WWOX: variants seen among roughly 807,000 people sequenced by gnomAD.
WWOX encodes WW domain containing oxidoreductase, also known as WW domain-containing oxidoreductase.
Under a neutral mutation model 46.2 loss-of-function variants are expected in WWOX, and 69 were observed. The ratio of observed to expected loss-of-function variants is 1.49; its 90% CI spans 1.23 to 1.82. WWOX has a LOEUF of 1.82. Among genes scored for constraint, WWOX ranks in the 40% most tolerant of loss-of-function variants. The pLI is 0.00. For missense variants in WWOX, 919 were observed against 542.6 expected (o/e 1.69, Z -6.89); for synonymous variants, 359 against 202.6 (o/e 1.77, Z -6.56).
intron 8 of WWOX, among the ~76,000 whole-genome samples, chr16:79,199,919 A>G (rs1051005216): frequency 1.3e-5 from 2 of 152,084 alleles, no homozygotes; most frequent in African/African-American, 4.8e-5. Flanking sequence ...GAAGAATAAG[A>G]TGTTCCTTGG....
intron 6 of WWOX, among the ~76,000 whole-genome samples, chr16:78,401,447 C>T (rs983757771): frequency 1.3e-5 from 2 of 152,040 alleles, no homozygotes; most frequent in Non-Finnish European, 2.9e-5. Flanking sequence ...TTGTGTAGCC[C>T]ATCAATTGTC....
intron 8 of WWOX, among the ~76,000 whole-genome samples, chr16:78,760,183 G>C (rs910807698): frequency 6.6e-6 from 1 of 152,178 alleles, no homozygotes; most frequent in Non-Finnish European, 1.5e-5. Flanking sequence ...GCAGACGAGA[G>C]AGAGTGACAG....
chr16:78,896,032 C>T (rs1319633475), intron 8 of WWOX: 1 of 152,074 alleles, frequency 6.6e-6, no homozygotes, highest in African/African-American at 2.4e-5. Context: ...GTTTAAATTT[C>T]CTTTTCACAG....
chr16:78,241,961 G>A (rs915589370), intron 5 of WWOX, among the ~76,000 whole-genome samples: 3 of 152,176 alleles, frequency 2.0e-5, no homozygotes, highest in Non-Finnish European at 4.4e-5. Flanking sequence ...AAAAGCAAAT[G>A]TTTTGGGTGA....
chr16:78,906,964 C>T (rs1329127681), intron 8 of WWOX, among the ~76,000 whole-genome samples: 3 of 152,138 alleles, frequency 2.0e-5, no homozygotes, highest in African/African-American at 4.8e-5. Flanking sequence ...ATAACGTAAC[C>T]GCCCAATGGG....
intron 4 of WWOX, among the ~76,000 whole-genome samples, chr16:78,149,999 A>C (rs767858428): frequency 1.3e-5 from 2 of 152,096 alleles, no homozygotes; most frequent in Non-Finnish European, 2.9e-5. Context: ...CAGTTTTGAC[A>C]CTAACGACCC....
intron 5 of WWOX, among the ~76,000 whole-genome samples, chr16:78,352,557 G>T (rs7500418): frequency 0.34 from 51,130 of 151,918 alleles, 11,091 homozygotes; most frequent in Non-Finnish European, 0.49. Context: ...TCTCTCTTCT[G>T]CTTCTGCTTT....
At chr16:79,024,989 G>T (rs1475385655) in intron 8 of WWOX, among the ~76,000 whole-genome samples, 3 of 152,198 alleles carry the variant, frequency 2.0e-5, no homozygotes, top group Admixed American at 6.5e-5. Flanking sequence ...TCAATCCTAG[G>T]ACCTGAGCTG....
At chr16:78,828,604 C>T (rs1478302675) in intron 8 of WWOX, among the ~76,000 whole-genome samples, 1 of 151,992 alleles carries the variant, frequency 6.6e-6, no homozygotes, top group Non-Finnish European at 1.5e-5. Context: ...TTCTATCGGA[C>T]ACATGTCCTA....
At chr16:78,649,539 A>G (rs945950283) in intron 8 of WWOX, among the ~76,000 whole-genome samples, 1 of 152,064 alleles carries the variant, frequency 6.6e-6, no homozygotes, top group Non-Finnish European at 1.5e-5. Flanking sequence ...GGCCTCCCAA[A>G]GTGCTGGGAT....
intron 8 of WWOX, among the ~76,000 whole-genome samples, chr16:78,573,527 C>T (rs1380697261): frequency 6.6e-6 from 1 of 152,182 alleles, no homozygotes; most frequent in Non-Finnish European, 1.5e-5. Flanking sequence ...CACATCACTC[C>T]TCTGCTCAAA....
intron 8 of WWOX, among the ~76,000 whole-genome samples, chr16:78,496,646 T>C (rs1201806919): frequency 6.6e-6 from 1 of 152,238 alleles, no homozygotes; most frequent in African/African-American, 2.4e-5. Context: ...ATGCATTCTA[T>C]GCACCCCAAG....
intron 8 of WWOX, among the ~76,000 whole-genome samples, chr16:78,529,271 A>T (rs1174821256): frequency 6.6e-6 from 1 of 152,068 alleles, no homozygotes; most frequent in Non-Finnish European, 1.5e-5. Context: ...TTTCTATTAT[A>T]TAGATTTTAA....
intron 8 of WWOX, among the ~76,000 whole-genome samples, chr16:78,520,527 G>A (rs1312757953): frequency 6.6e-6 from 1 of 151,394 alleles, no homozygotes; most frequent in East Asian, 2.0e-4. Flanking sequence ...AACACAGCTT[G>A]AATAAATGTC....
At chr16:79,198,049 G>T (rs1247520947) in intron 8 of WWOX, among the ~76,000 whole-genome samples, 4 of 152,134 alleles carry the variant, frequency 2.6e-5, no homozygotes, top group Non-Finnish European at 1.5e-5. Context: ...AATGGGCTGG[G>T]CATGGTGGCT....
At chr16:78,898,267 A>G (rs1393957835) in intron 8 of WWOX, 1 of 152,244 alleles carries the variant, frequency 6.6e-6, no homozygotes, top group East Asian at 1.9e-4. Context: ...ACACTCCATA[A>G]CTTCAATCTT....
intron 6 of WWOX, among the ~76,000 whole-genome samples, chr16:78,393,776 G>T (rs1367938845): frequency 6.6e-6 from 1 of 151,260 alleles, no homozygotes; most frequent in Non-Finnish European, 1.5e-5. Flanking sequence ...TTCTGTCACC[G>T]GTATAATTTA....
intron 8 of WWOX, among the ~76,000 whole-genome samples, chr16:78,831,660 C>T (rs970603613): frequency 1.3e-5 from 2 of 152,134 alleles, no homozygotes; most frequent in Non-Finnish European, 2.9e-5. Flanking sequence ...AAAGAGTGAT[C>T]ATAATACTAT....
chr16:78,758,973 A>T (rs2049725515), intron 8 of WWOX, among the ~76,000 whole-genome samples: 1 of 151,824 alleles, frequency 6.6e-6, no homozygotes, highest in African/African-American at 2.4e-5. Flanking sequence ...CACAGACAAA[A>T]CCCAGGGCAT....
Sources: gnomAD v4.1 joint callset for allele counts (sites outside exome capture counted in the v4.1 genomes callset) on GRCh38, gnomAD v4.1.1 for gene constraint, MANE v1.5 for transcripts, NCBI Gene and HGNC (gene_info 2026-07-23, HGNC 2026-07-21) for gene names.